The following CKAP5 variants were observed in gnomAD, a reference collection of about 807,000 sequenced individuals.
CKAP5 encodes cytoskeleton associated protein 5.
In CKAP5, 27 loss-of-function variants were observed where a neutral mutation model predicts 232.8. The observed-to-expected ratio is 0.12, with a 90% CI of 0.09 to 0.16. CKAP5 has a LOEUF of 0.16. CKAP5 is among the 10% of genes least tolerant of loss of function. The pLI, the probability that CKAP5 is intolerant of heterozygous loss-of-function variation, is 1.00. For missense variants in CKAP5, 1,838 were observed against 2,424.7 expected, an observed-to-expected ratio of 0.76 and a Z score of 5.08; for synonymous variants, 785 against 841.1, an observed-to-expected ratio of 0.93 and a Z score of 1.16.
intron 8 of CKAP5, among the ~76,000 whole-genome samples, chr11:46,805,965 T>C (rs1480088589): frequency 3.9e-5 from 6 of 152,150 alleles, no homozygotes; most frequent in Non-Finnish European, 8.8e-5. Context: ...AAATAAAATG[T>C]CTCTGTCACT....
In CKAP5 at chr11:46,797,659, T is replaced by C. The variant is rs1938911292; in HGVS notation, c.1338+146A>G. ...GAAGAGGAACACAGGAGAATTTGGA[T>C]TCAGTTTCCAAGCTGCAAAGGCTCT... On this transcript the variant is annotated intron_variant, in intron 11 of 43. Transcript: ENST00000529230. The C allele has an allele frequency of 5.6e-6, 4 of 715,058 alleles. No homozygotes were observed. The East Asian group carries it at 1.1e-4, about 19-fold the overall frequency. 44.3% of individuals were successfully genotyped at this position (715,058 alleles called of 1,614,324 possible).
chr11:46,751,031 A>G (rs2065060527), intron 40 of CKAP5, 87 bp downstream of exon 40: 1 of 1,521,950 alleles, frequency 6.6e-7, no homozygotes, highest in African/African-American at 1.4e-5. Flanking sequence ...GGACCTTCGG[A>G]AAGCATATCC....
intron 1 of CKAP5, among the ~76,000 whole-genome samples, chr11:46,837,241 T>C (rs545819884): frequency 1.1e-4 from 17 of 152,128 alleles, no homozygotes; most frequent in African/African-American, 3.4e-4. Flanking sequence ...TGAATGGAAA[T>C]TCAAAGATCA....
chr11:46,828,871 G>A (rs1592487268), intron 1 of CKAP5, among the ~76,000 whole-genome samples: 1 of 152,034 alleles, frequency 6.6e-6, no homozygotes, highest in African/African-American at 2.4e-5. Context: ...GTGTGGCTTG[G>A]GAGGGGGATA....
At chr11:46,765,352 G>A in intron 27 of CKAP5, 96 bp from the exon 28 acceptor site, 1 of 1,049,566 alleles carries the variant, frequency 9.5e-7, no homozygotes, top group Non-Finnish European at 1.3e-6. Context: ...AGAAAACAGA[G>A]ATATCTTTCT....
intron 29 of CKAP5, 100 bp downstream of exon 29, chr11:46,763,381 T>C (rs767012453): frequency 1.4e-5 from 16 of 1,106,366 alleles, no homozygotes; most frequent in Non-Finnish European, 1.8e-5. Context: ...GAGAACATAG[T>C]ATATTCTACT....
Position 46,752,723 on chromosome 11 carries a change from C to T in CKAP5, c.5058-13G>A. On this transcript the variant is annotated splice_polypyrimidine_tract_variant and intron_variant, in intron 37 of 43. Coordinates refer to ENST00000529230, the MANE Select transcript of CKAP5 (RefSeq NM_001008938.4). ...AACAAGTAGGGCACTGGAAGAAAAACCCAACACAACAGCATTAAGTTTCAA... is the reference window on the plus strand; with the variant it reads ...AACAAGTAGGGCACTGGAAGAAAAATCCAACACAACAGCATTAAGTTTCAA... The T allele has an allele frequency of 6.2e-7, 1 of 1,606,688 alleles. No individual in the cohort carries two copies. The highest frequency in any genetic ancestry group is 8.5e-7 in the Non-Finnish European group (1 of 1,174,520).
chr11:46,747,934 C>T (rs1367797017), intron 42 of CKAP5, among the ~76,000 whole-genome samples: 4 of 151,908 alleles, frequency 2.6e-5, no homozygotes, highest in Non-Finnish European at 2.9e-5. Flanking sequence ...GTGGCATGCA[C>T]CTGTAGTCCC....
At chr11:46,754,844 TGAGA>T (rs1442050013) in intron 36 of CKAP5, 40 bp downstream of exon 36, 1 of 1,559,668 alleles carries the variant, frequency 6.4e-7, no homozygotes, top group East Asian at 2.3e-5. Context: ...CTCTGTAGGC[TGAGA>T]GATTGATGGG....
At chr11:46,828,055 G>A (rs923208732) in intron 1 of CKAP5, among the ~76,000 whole-genome samples, 22 of 152,114 alleles carry the variant, frequency 1.4e-4, no homozygotes, top group African/African-American at 4.8e-4. Context: ...GATCAGTACA[G>A]GAATCAATGT....
chr11:46,791,094 C>T (rs1938706113), intron 13 of CKAP5, among the ~76,000 whole-genome samples: 1 of 152,120 alleles, frequency 6.6e-6, no homozygotes. Context: ...GAAGACCACC[C>T]ATGGGGTAAT....
Position 46,829,272 on chromosome 11 carries a change from A to G in CKAP5, c.-37-8004T>C, listed in dbSNP as rs141831825. 6.0e-3 allele frequency among the ~76,000 whole-genome samples: 913 copies of G among 152,288 alleles called. 10 individuals carry two copies. Among genetic ancestry groups the G allele is most frequent in the African/African-American group, 0.021 (870 of 41,558 alleles). ...CGACATGAGGATGACAAGGATGAAG[A>G]CCTTTATGATGATCCACTTCCATTT... On this transcript the variant is annotated intron_variant, in intron 1 of 43. Transcript: ENST00000529230.
At chr11:46,809,331 G>T (rs1939224933) in intron 7 of CKAP5, 69 bp downstream of exon 7, 1 of 1,047,338 alleles carries the variant, frequency 9.5e-7, no homozygotes, top group Non-Finnish European at 1.4e-6. Flanking sequence ...GGGCTCAGCA[G>T]AGTATTCTAA....
chr11:46,777,603 G>T, intron 22 of CKAP5, 51 bp from the exon 23 acceptor site: 1 of 1,280,710 alleles, frequency 7.8e-7, no homozygotes. Flanking sequence ...CAAGTTGTGT[G>T]CAAACTTCCG....
intron 38 of CKAP5, 57 bp from the exon 39 acceptor site, chr11:46,751,591 A>C (rs2065065020): frequency 7.2e-7 from 1 of 1,398,024 alleles, no homozygotes; most frequent in Admixed American, 2.0e-5. Flanking sequence ...ATAATTTGTC[A>C]CCATTCATCT....
intron 13 of CKAP5, among the ~76,000 whole-genome samples, chr11:46,795,327 CAA>C (rs35922652): frequency 1.4e-5 from 2 of 138,856 alleles, no homozygotes; most frequent in Non-Finnish European, 1.6e-5. Flanking sequence ...GACTCCATCT[CAA>C]AAAAAAAAAA....
intron 26 of CKAP5, among the ~76,000 whole-genome samples, chr11:46,768,587 T>TA (rs1466654272): frequency 1.3e-5 from 2 of 152,030 alleles, no homozygotes; most frequent in African/African-American, 4.8e-5. Flanking sequence ...TTTACACAGG[T>TA]AAAATTTTTT....
Position 46,796,905 on chromosome 11 carries a change from G to T in CKAP5, c.1374C>A (p.Ala458=). 2 of 1,613,880 alleles carry T rather than the reference G, an allele frequency of 1.2e-6. No homozygotes were observed. Among genetic ancestry groups the T allele is most frequent in the Non-Finnish European group, 1.7e-6 (2 of 1,179,912 alleles). The change falls in exon 12 of 44, where the codon GCC becomes GCA. Residue 458 remains alanine (A), a synonymous_variant. Transcript: ENST00000529230. ...INDSAPEVRD[A]AFEALGTALK... ...AAGCAGTACCCAATGCTTCAAATGCGGCATCTCTGACTTCAGGAGCAGAAT... is the reference window on the plus strand; with the variant it reads ...AAGCAGTACCCAATGCTTCAAATGCTGCATCTCTGACTTCAGGAGCAGAAT...
At chr11:46,762,536 C>A (rs753660271) in intron 31 of CKAP5, 91 bp downstream of exon 31, 2 of 1,481,026 alleles carry the variant, frequency 1.4e-6, no homozygotes, top group South Asian at 1.1e-5. Flanking sequence ...TACATAGGCA[C>A]TGGAGAAATT....
Sources: allele counts gnomAD v4.1 joint callset (sites outside exome capture counted in the v4.1 genomes callset), GRCh38; gene constraint gnomAD v4.1.1; transcripts MANE v1.5; gene names NCBI Gene and HGNC (gene_info 2026-07-23, HGNC 2026-07-21).